PLCB1: variants seen among roughly 807,000 people sequenced by gnomAD.
PLCB1 encodes phospholipase C beta 1, also known as 1-phosphatidylinositol 4,5-bisphosphate phosphodiesterase beta-1.
A neutral mutation model predicts 161.8 loss-of-function variants in PLCB1; 46 were observed. That is an observed-to-expected ratio of 0.28 (90% CI 0.22 to 0.36). The LOEUF is 0.36. PLCB1 is among the 10% of genes least tolerant of loss of function. PLCB1 has a pLI of 1.00. For missense variants in PLCB1, 1,016 were observed against 1,472.5 expected, an observed-to-expected ratio of 0.69 and a Z score of 5.07; for synonymous variants, 517 against 503.7, an observed-to-expected ratio of 1.03 and a Z score of -0.35.
chr20:8,224,868 T>C lies in PLCB1; in HGVS notation c.177+74497T>C, dbSNP rs528488169. On this transcript the variant is annotated intron_variant, in intron 2 of 31. Coordinates refer to ENST00000338037, the MANE Select transcript of PLCB1 (RefSeq NM_015192.4). ...AGATGAGTTTCGTCTGGTTTTGAAC[T>C]TCATATACACGGAATCACAGTGTGT... Among the ~76,000 whole-genome samples the C allele has an allele frequency of 3.9e-5, 6 of 152,310 alleles. No homozygotes were observed. The South Asian group carries it at 1.2e-3, about 32-fold the overall frequency.
At chr20:8,647,344 G>A (rs1031007005) in intron 5 of PLCB1, among the ~76,000 whole-genome samples, 1 of 152,142 alleles carries the variant, frequency 6.6e-6, no homozygotes, top group Non-Finnish European at 1.5e-5. Flanking sequence ...TACTACAAAT[G>A]TCTATTCCAG....
At chr20:8,469,007 T>C (rs1323440221) in intron 3 of PLCB1, among the ~76,000 whole-genome samples, 1 of 152,134 alleles carries the variant, frequency 6.6e-6, no homozygotes, top group East Asian at 1.9e-4. Context: ...TAGTGTCTGA[T>C]TCAGCAGGTT....
At chr20:8,643,300 C>T (rs1034462515) in intron 4 of PLCB1, among the ~76,000 whole-genome samples, 2 of 152,196 alleles carry the variant, frequency 1.3e-5, no homozygotes, top group African/African-American at 2.4e-5. Context: ...AATTTATCTC[C>T]AGACACCTAA....
intron 3 of PLCB1, among the ~76,000 whole-genome samples, chr20:8,412,000 G>A (rs1443974540): frequency 6.6e-6 from 1 of 151,700 alleles, no homozygotes; most frequent in Non-Finnish European, 1.5e-5. Context: ...TCCAACCTGG[G>A]CAACAACAGC....
intron 2 of PLCB1, among the ~76,000 whole-genome samples, chr20:8,202,651 A>G (rs983858611): frequency 3.5e-4 from 53 of 152,176 alleles, no homozygotes; most frequent in African/African-American, 2.4e-4. Flanking sequence ...ATTCAATCGC[A>G]TATGTTGAGA....
rs150241820 is a variant in PLCB1, at chr20:8,457,004, A to G, written c.246+85554A>G. Among the ~76,000 whole-genome samples the G allele has an allele frequency of 3.4e-3, 523 of 152,326 alleles. 4 individuals are homozygous for G. Among genetic ancestry groups the G allele is most frequent in the Non-Finnish European group, 5.5e-3 (377 of 68,022 alleles). On this transcript the variant is annotated intron_variant, in intron 3 of 31. Transcript: ENST00000338037. The stretch of plus-strand genomic sequence containing the variant: ...ATTGGGACATAAAGAGTCTACTGCA[A>G]ATTTCTTCATGTCAGTCACATTTTA...
At chr20:8,447,890 CTATG>C (rs987549126) in intron 3 of PLCB1, among the ~76,000 whole-genome samples, 2 of 152,182 alleles carry the variant, frequency 1.3e-5, no homozygotes, top group African/African-American at 4.8e-5. Context: ...ATTTCAGACT[CTATG>C]TGTGTGTTGG....
At chr20:8,620,159 T>C (rs1392517238) in intron 3 of PLCB1, among the ~76,000 whole-genome samples, 1 of 152,232 alleles carries the variant, frequency 6.6e-6, no homozygotes, top group Admixed American at 6.5e-5. Flanking sequence ...ATGTGTCACA[T>C]GTACATAAAG....
At chr20:8,756,916 A>C in intron 23 of PLCB1, 130 bp from the exon 24 acceptor site, 1 of 820,530 alleles carries the variant, frequency 1.2e-6, no homozygotes, top group East Asian at 2.7e-5. Context: ...CTTTCCAGGG[A>C]GTATCAAATT....
rs184893450 is a variant in PLCB1 at position 8,384,847 on chromosome 20, G to A, written c.246+13397G>A. On this transcript the variant is annotated intron_variant, in intron 3 of 31. Coordinates refer to ENST00000338037, the MANE Select transcript of PLCB1 (RefSeq NM_015192.4). The stretch of plus-strand genomic sequence containing the variant: ...GGCCCTATTCATCTGGTTTGCTCTC[G>A]CACCAGGAGATGTCACTCAAGGAGG... Among the ~76,000 whole-genome samples the A allele has an allele frequency of 2.6e-5, 4 of 152,172 alleles. No individual in the cohort carries two copies. In the East Asian group the frequency reaches 7.7e-4, roughly 29 times the overall value.
Position 8,158,113 on chromosome 20 carries a change from G to A in PLCB1, c.177+7742G>A, listed in dbSNP as rs929715019. Among the ~76,000 whole-genome samples the A allele has an allele frequency of 1.1e-4, 17 of 152,258 alleles. 1 individual carries two copies. The highest frequency in any genetic ancestry group is 9.8e-4 in the Admixed American group (15 of 15,304). ...ACTTTTTGATGCCAAAAAATGGTTC[G>A]AGCCATTGGATTGGCAGAATATGTG... On this transcript the variant is annotated intron_variant, in intron 2 of 31. Coordinates refer to ENST00000338037, the MANE Select transcript of PLCB1 (RefSeq NM_015192.4).
chr20:8,344,385 A>G (rs534014182), intron 2 of PLCB1, among the ~76,000 whole-genome samples: 1 of 152,284 alleles, frequency 6.6e-6, no homozygotes, highest in South Asian at 2.1e-4. Flanking sequence ...AAAAGGGAAC[A>G]TTTTATTCTG....
chr20:8,584,891 A>G (rs1044684639), intron 3 of PLCB1, among the ~76,000 whole-genome samples: 1 of 152,056 alleles, frequency 6.6e-6, no homozygotes, highest in African/African-American at 2.4e-5. Context: ...ATGTTTCACC[A>G]TGTTGGTCAG....
chr20:8,571,153 A>G (rs902820953), intron 3 of PLCB1, among the ~76,000 whole-genome samples: 4 of 152,190 alleles, frequency 2.6e-5, no homozygotes, highest in African/African-American at 9.7e-5. Context: ...TAGTAGAAAA[A>G]GGGAAATACC....
In PLCB1 at chr20:8,335,302, A is replaced by C. The variant is rs200128502; in HGVS notation, c.178-36080A>C. On this transcript the variant is annotated intron_variant, in intron 2 of 31. Transcript: ENST00000338037. ...CAGCCAGGGCAAAGGGTCAATATCTAGGCAGAGCTGTCACAACCATTCACG... is the reference window on the plus strand; with the variant it reads ...CAGCCAGGGCAAAGGGTCAATATCTCGGCAGAGCTGTCACAACCATTCACG... 3.9e-5 allele frequency among the ~76,000 whole-genome samples: 6 copies of C among 152,338 alleles called. No individual in the cohort carries two copies. The East Asian group carries it at 1.2e-3, about 29-fold the overall frequency.
chr20:8,694,735 A>C (rs1263151190), intron 10 of PLCB1, among the ~76,000 whole-genome samples: 1 of 152,238 alleles, frequency 6.6e-6, no homozygotes, highest in African/African-American at 2.4e-5. Flanking sequence ...ATTGATTCAG[A>C]AATTGTACAA....
chr20:8,146,454 T>C (rs775914649), intron 1 of PLCB1, among the ~76,000 whole-genome samples: 1 of 152,224 alleles, frequency 6.6e-6, no homozygotes, highest in South Asian at 2.1e-4. Flanking sequence ...ACCACAGTGA[T>C]TGGCTCAGAG....
At chr20:8,355,114 C>T (rs2122275030) in intron 2 of PLCB1, among the ~76,000 whole-genome samples, 1 of 152,122 alleles carries the variant, frequency 6.6e-6, no homozygotes. Flanking sequence ...CTCAGTTTTA[C>T]CATCTATTAA....
chr20:8,335,312 G>A (rs993219756), intron 2 of PLCB1, among the ~76,000 whole-genome samples: 1 of 152,160 alleles, frequency 6.6e-6, no homozygotes, highest in Admixed American at 6.5e-5. Context: ...AGGCAGAGCT[G>A]TCACAACCAT....
Sources: allele counts gnomAD v4.1 joint callset (sites outside exome capture counted in the v4.1 genomes callset), GRCh38; gene constraint gnomAD v4.1.1; transcripts MANE v1.5; gene names NCBI Gene and HGNC (gene_info 2026-07-23, HGNC 2026-07-21).